The following LY96 variants were observed in gnomAD, a reference collection of about 807,000 sequenced individuals.
LY96 encodes the protein myeloid differentiation protein-2.
In LY96, 18 loss-of-function variants were observed where a neutral mutation model predicts 18.9. The ratio of observed to expected loss-of-function variants is 0.95; its 90% CI spans 0.66 to 1.41. The LOEUF is 1.41. Among genes scored for constraint, LY96 ranks in the 40% most tolerant of loss-of-function variants. LY96 has a pLI of 0.00. For missense variants in LY96, 175 were observed against 182.4 expected (o/e 0.96, Z 0.23); for synonymous variants, 66 against 62.6 (o/e 1.06, Z -0.26).
In LY96 at chr8:73,996,361, C is replaced by T. The variant is rs28456983; in HGVS notation, c.112+4807C>T. On this transcript the variant is annotated intron_variant, in intron 1 of 4. Transcript: ENST00000284818. Reference sequence around the variant, plus strand: ...CCTTCCTTCCTTCCTTCCTTCCTTCCTTCCTTCATTCCTTTCTTTCTTTCT... The same window carrying T: ...CCTTCCTTCCTTCCTTCCTTCCTTCTTTCCTTCATTCCTTTCTTTCTTTCT... Among the ~76,000 whole-genome samples, 359 of 87,876 alleles carry T rather than the reference C, an allele frequency of 4.1e-3. 7 individuals carry two copies. Among genetic ancestry groups the T allele is most frequent in the South Asian group, 7.3e-3 (19 of 2,606 alleles). 57.7% of individuals were successfully genotyped at this position (87,876 alleles called of 152,430 possible).
the LY96 span, among the ~76,000 whole-genome samples, chr8:74,048,238 G>A: frequency 6.6e-6 from 1 of 151,624 alleles, no homozygotes; most frequent in Non-Finnish European, 1.5e-5. Flanking sequence ...TAGGCTCTAA[G>A]CCACAGTGGT....
the LY96 span, among the ~76,000 whole-genome samples, chr8:74,081,665 T>C: frequency 3.9e-5 from 6 of 152,128 alleles, no homozygotes; most frequent in East Asian, 3.9e-4. Flanking sequence ...TTCTTTTTTT[T>C]TCTTTTTAGA....
At chr8:74,000,590 G>C (rs898724001) in intron 1 of LY96, among the ~76,000 whole-genome samples, 1 of 152,134 alleles carries the variant, frequency 6.6e-6, no homozygotes, top group Non-Finnish European at 1.5e-5. Flanking sequence ...TTTCTAGCCT[G>C]TTCCTCCAAA....
chr8:73,992,628 TGAG>T (rs1563706069), intron 1 of LY96, among the ~76,000 whole-genome samples: 1 of 152,162 alleles, frequency 6.6e-6, no homozygotes, highest in African/African-American at 2.4e-5. Flanking sequence ...TTGCCACATG[TGAG>T]GAGGAGACTT....
the LY96 span, among the ~76,000 whole-genome samples, chr8:74,084,300 G>A: frequency 5.9e-5 from 9 of 152,044 alleles, no homozygotes; most frequent in Non-Finnish European, 8.8e-5. Flanking sequence ...CCTGATGCAC[G>A]GATTAACTCA....
intron 1 of LY96, among the ~76,000 whole-genome samples, chr8:73,992,634 G>C (rs1331676957): frequency 2.0e-5 from 3 of 152,148 alleles, no homozygotes; most frequent in Non-Finnish European, 4.4e-5. Flanking sequence ...CATGTGAGGA[G>C]GAGACTTAGG....
intron 2 of LY96, among the ~76,000 whole-genome samples, chr8:74,008,379 A>C (rs1816459261): frequency 6.6e-6 from 1 of 152,192 alleles, no homozygotes; most frequent in African/African-American, 2.4e-5. Flanking sequence ...ATGGTCTTTC[A>C]ACTTCTACAC....
At chr8:74,050,235 C>G in the LY96 span, among the ~76,000 whole-genome samples, 1 of 151,886 alleles carries the variant, frequency 6.6e-6, no homozygotes, top group Non-Finnish European at 1.5e-5. Flanking sequence ...CCCGGCTACT[C>G]AGGAGGCTGA....
chr8:74,063,309 T>C, the LY96 span, among the ~76,000 whole-genome samples: 1 of 152,230 alleles, frequency 6.6e-6, no homozygotes, highest in Non-Finnish European at 1.5e-5. Context: ...ATTTCCATCT[T>C]ATTCTACTTG....
At chr8:74,041,625 T>C in the LY96 span, among the ~76,000 whole-genome samples, 1 of 151,802 alleles carries the variant, frequency 6.6e-6, no homozygotes, top group Non-Finnish European at 1.5e-5. Context: ...GCTCTGGGAG[T>C]GTCTGTCTTA....
Position 74,002,050 on chromosome 8 carries a change from CCTTCCTTCCTTCCTTCCTTCCTTCCTTT to C in LY96, c.113-2742_113-2715del, listed in dbSNP as rs1174832461. Reference sequence around the variant, plus strand: ...TCCTTCCTTCCTTCCTTCCTTCCTTCCTTCCTTCCTTCCTTCCTTCCTTCCTTTCTTTCTTTCTTTCTTTCTCTCTCTC... The same window carrying C: ...TCCTTCCTTCCTTCCTTCCTTCCTTCCTTTCTTTCTTTCTTTCTCTCTCTC... On this transcript the variant is annotated intron_variant, in intron 1 of 4. Transcript: ENST00000284818. 2.7e-4 allele frequency among the ~76,000 whole-genome samples: 8 copies of C among 29,220 alleles called. 1 individual carries two copies. The highest frequency in any genetic ancestry group is 1.9e-3 in the African/African-American group (8 of 4,266). 19.2% of individuals were successfully genotyped at this position (29,220 alleles called of 152,430 possible).
At chr8:74,091,408 G>A in the LY96 span, among the ~76,000 whole-genome samples, 2 of 152,230 alleles carry the variant, frequency 1.3e-5, no homozygotes, top group African/African-American at 4.8e-5. Context: ...TAGGCCTGAA[G>A]AAGTGGAAGA....
chr8:74,091,581 A>T, the LY96 span, among the ~76,000 whole-genome samples: 1 of 152,190 alleles, frequency 6.6e-6, no homozygotes, highest in Non-Finnish European at 1.5e-5. Flanking sequence ...GGCTCTCCTG[A>T]AATGGAAGGC....
At chr8:74,037,454 C>A in the LY96 span, among the ~76,000 whole-genome samples, 1 of 151,894 alleles carries the variant, frequency 6.6e-6, no homozygotes, top group Admixed American at 6.6e-5. Flanking sequence ...CACTGTGAGA[C>A]CCTGTCTGTA....
chr8:74,073,483 T>C, the LY96 span, among the ~76,000 whole-genome samples: 44 of 152,274 alleles, frequency 2.9e-4, no homozygotes, highest in East Asian at 5.0e-3. Context: ...AGCACAGCCA[T>C]GTAGCAGGGA....
the LY96 span, among the ~76,000 whole-genome samples, chr8:74,067,504 C>T: frequency 6.6e-5 from 10 of 152,220 alleles, no homozygotes; most frequent in South Asian, 1.5e-3. Context: ...TGAGCCACTC[C>T]GCCTTCCATG....
the LY96 span, among the ~76,000 whole-genome samples, chr8:74,084,829 G>A: frequency 2.6e-5 from 4 of 152,112 alleles, no homozygotes; most frequent in African/African-American, 9.7e-5. Context: ...TGGCCAGGCT[G>A]GTCTCAAACT....
At chr8:74,033,604 TAGAC>T (rs1429342525), downstream of LY96, among the ~76,000 whole-genome samples, 1 of 152,224 alleles carries the variant, frequency 6.6e-6, no homozygotes, top group East Asian at 1.9e-4. Context: ...CAGTGCCTGA[TAGAC>T]AGCTCCCATC....
the LY96 span, among the ~76,000 whole-genome samples, chr8:74,077,775 A>C: frequency 3.9e-5 from 6 of 152,164 alleles, no homozygotes; most frequent in East Asian, 1.2e-3. Flanking sequence ...ACATTAAAAA[A>C]ATACCAAAGG....
Sources: allele counts gnomAD v4.1 joint callset (sites outside exome capture counted in the v4.1 genomes callset), GRCh38; gene constraint gnomAD v4.1.1; transcripts MANE v1.5; gene names NCBI Gene and HGNC (gene_info 2026-07-23, HGNC 2026-07-21).